Variants in TP53BP2 observed in about 807,000 individuals in gnomAD.
TP53BP2 encodes the protein tumor protein p53 binding protein 2, also known as apoptosis-stimulating of p53 protein 2.
A neutral mutation model predicts 126.2 loss-of-function variants in TP53BP2; 62 were observed. The ratio of observed to expected loss-of-function variants is 0.49; its 90% CI spans 0.40 to 0.61. The LOEUF (loss-of-function observed/expected upper bound fraction) is 0.61. Ranked by LOEUF, TP53BP2 falls within the 20% of genes least tolerant of loss-of-function variation. The pLI is 0.00. For missense variants in TP53BP2, 1,215 were observed against 1,402.8 expected (o/e 0.87, Z 2.14); for synonymous variants, 485 against 502.9 (o/e 0.96, Z 0.48).
At chr1:223,803,177 G>C in intron 7 of TP53BP2, 94 bp downstream of exon 7, 1 of 1,418,624 alleles carries the variant, frequency 7.0e-7, no homozygotes, top group Non-Finnish European at 9.5e-7. Flanking sequence ...TTTAAGGAAA[G>C]GCAACTGAAA....
intron 13 of TP53BP2, among the ~76,000 whole-genome samples, chr1:223,794,651 G>A (rs905058205): frequency 2.0e-5 from 3 of 152,204 alleles, no homozygotes; most frequent in Non-Finnish European, 2.9e-5. Flanking sequence ...TGGCTGTAAC[G>A]TGGATTGGTT....
At chr1:223,832,858 G>C (rs1663788324) in intron 1 of TP53BP2, among the ~76,000 whole-genome samples, 1 of 152,182 alleles carries the variant, frequency 6.6e-6, no homozygotes, top group Non-Finnish European at 1.5e-5. Flanking sequence ...TCTGCAAGAA[G>C]TGTGCTGCTC....
rs569237357 is a variant in TP53BP2 at position 223,832,527 on chromosome 1, C to A, written c.28-11160G>T. Among the ~76,000 whole-genome samples the A allele has an allele frequency of 5.9e-5, 9 of 152,322 alleles. No homozygotes were observed. The South Asian group carries it at 1.9e-3, about 32-fold the overall frequency. On this transcript the variant is annotated intron_variant, in intron 1 of 17. Transcript: ENST00000343537. ...CTTGTAAGAGGAGAATGCCACTAGG[C>A]TTCCTATAACCCAGTCAAGCAAAAA...
At position 223,784,204 on chromosome 1, in the gene TP53BP2, T is replaced by C. The variant is rs776076686; in HGVS notation, c.3274A>G (p.Ile1092Val). ...LPMKEGDCMTIIHREDEDEIE... is the reference protein window; with the variant it reads ...LPMKEGDCMTVIHREDEDEIE... ...TCATCTTCGTCTTCCCTGTGGATGA[T>C]TGTCATGCAGTCTCCTTCTTTCATG... Residue 1092 changes from isoleucine (I) to valine (V), a missense_variant, in exon 17 of 18, where the codon ATC (isoleucine) becomes GTC (valine). Ile to Val is a conservative substitution (Grantham distance 29). Transcript: ENST00000343537. 2.5e-5 allele frequency: 40 copies of C among 1,614,064 alleles called. No homozygotes were observed. The highest frequency in any genetic ancestry group is 1.6e-4 in the Middle Eastern group (1 of 6,084).
intron 1 of TP53BP2, among the ~76,000 whole-genome samples, chr1:223,841,583 C>T (rs12039721): frequency 1.3e-5 from 2 of 152,112 alleles, no homozygotes; most frequent in Non-Finnish European, 2.9e-5. Flanking sequence ...CAAATCTGTG[C>T]AAATAAAACC....
At chr1:223,808,093 A>T (rs1340288476) in intron 4 of TP53BP2, among the ~76,000 whole-genome samples, 1 of 152,258 alleles carries the variant, frequency 6.6e-6, no homozygotes, top group African/African-American at 2.4e-5. Flanking sequence ...TCAATCAAAC[A>T]GAATAGAGAG....
Position 223,810,509 on chromosome 1 carries a change from A to G in TP53BP2, c.294T>C (p.Ser98=). The G allele has an allele frequency of 6.2e-7, 1 of 1,601,506 alleles. No homozygotes were observed. ...HERPPGRDIV[S]GPRSQDPSLK... ...AACTTGGATCCTGAGATCTTGGTCC[A>G]CTCACTAAGGACAAAATTCAAAAAC... Residue 98 remains serine, a synonymous_variant, in exon 4 of 18, where the codon AGT becomes AGC. Coordinates refer to ENST00000343537, the MANE Select transcript of TP53BP2 (RefSeq NM_001031685.3).
At position 223,796,676 on chromosome 1, in the gene TP53BP2, A is replaced by G; in HGVS notation, c.1949-86T>C. On this transcript the variant is annotated intron_variant, in intron 12 of 17. Coordinates refer to ENST00000343537, the MANE Select transcript of TP53BP2 (RefSeq NM_001031685.3). The surrounding 1 kb of genome is among the most constrained non-coding windows in gnomAD (Gnocchi z 4.2). Reference sequence around the variant, plus strand: ...AACAGAAACAGCTAACAATAACTAAAGCCTCTTTTAATTTCATAGTTGTTA... The same window carrying G: ...AACAGAAACAGCTAACAATAACTAAGGCCTCTTTTAATTTCATAGTTGTTA... The G allele has an allele frequency of 7.8e-7, 1 of 1,285,280 alleles. No individual in the cohort carries two copies. Among genetic ancestry groups the G allele is most frequent in the Non-Finnish European group, 1.1e-6 (1 of 944,804 alleles). The allele number at this position is 1,285,280 out of a possible 1,614,324, so 79.6% of individuals were successfully genotyped here. A position where few individuals can be genotyped will look rare whatever the true frequency, so the allele number is the denominator to read the frequency against.
At chr1:223,795,359 T>G (rs1662280416) in intron 13 of TP53BP2, among the ~76,000 whole-genome samples, 1 of 152,166 alleles carries the variant, frequency 6.6e-6, no homozygotes, top group Non-Finnish European at 1.5e-5. Context: ...ACCACTGTTG[T>G]AAGTTTGAGG....
intron 12 of TP53BP2, among the ~76,000 whole-genome samples, chr1:223,797,640 A>G (rs1662371715): frequency 6.6e-6 from 1 of 151,924 alleles, no homozygotes; most frequent in Admixed American, 6.6e-5. Flanking sequence ...CGAACTCCCA[A>G]CCTCAGGTGA....
intron 7 of TP53BP2, 101 bp downstream of exon 7, chr1:223,803,170 A>C: frequency 7.2e-7 from 1 of 1,388,754 alleles, no homozygotes; most frequent in South Asian, 1.4e-5. Flanking sequence ...CCTTCTCTTT[A>C]AGGAAAGGCA....
chr1:223,801,237 G>A (rs911718800), intron 9 of TP53BP2, among the ~76,000 whole-genome samples: 1 of 152,128 alleles, frequency 6.6e-6, no homozygotes, highest in Non-Finnish European at 1.5e-5. Flanking sequence ...GTATATTCAG[G>A]TTTTTTTCTA....
intron 1 of TP53BP2, among the ~76,000 whole-genome samples, chr1:223,829,974 G>A (rs893022779): frequency 2.6e-5 from 4 of 152,012 alleles, no homozygotes; most frequent in African/African-American, 9.7e-5. Flanking sequence ...GGAACACAAA[G>A]AGAAGACATT....
At chr1:223,837,324 GA>G (rs1452518397) in intron 1 of TP53BP2, among the ~76,000 whole-genome samples, 1 of 152,118 alleles carries the variant, frequency 6.6e-6, no homozygotes, top group Non-Finnish European at 1.5e-5. Context: ...CATGGTGACA[GA>G]AGGCTTTTTC....
chr1:223,818,502 C>CAA (rs60296469), intron 2 of TP53BP2, among the ~76,000 whole-genome samples: 4 of 88,170 alleles, frequency 4.5e-5, no homozygotes, highest in Non-Finnish European at 1.0e-4. Context: ...GACTCCATCT[C>CAA]AAAAAAAAAA....
Position 223,780,678 on chromosome 1 carries a change from A to G in TP53BP2, c.*175T>C. On this transcript the variant is annotated 3_prime_UTR_variant, in exon 18 of 18. Transcript: ENST00000343537. ...TAGATGCTTTATTTCATCACGCTAA[A>G]TGTCCTCTAATGGTGAATTCTTCAA... 1 of 653,318 alleles carries G rather than the reference A, an allele frequency of 1.5e-6. No individual in the cohort carries two copies. The highest frequency in any genetic ancestry group is 2.6e-6 in the Non-Finnish European group (1 of 384,680). The allele number at this position is 653,318 out of a possible 1,614,324, so 40.5% of individuals were successfully genotyped here. A position where few individuals can be genotyped will look rare whatever the true frequency, so the allele number is the denominator to read the frequency against.
chr1:223,845,564 T>C, intron 1 of TP53BP2, 90 bp downstream of exon 1: 2 of 1,352,710 alleles, frequency 1.5e-6, no homozygotes, highest in Non-Finnish European at 1.9e-6. Context: ...CCCAGGCTCC[T>C]TCCCCGACGC....
intron 4 of TP53BP2, among the ~76,000 whole-genome samples, chr1:223,810,063 TGA>T (rs1662859733): frequency 2.0e-5 from 3 of 152,296 alleles, no homozygotes; most frequent in Admixed American, 2.0e-4. Flanking sequence ...TGACCTCAGG[TGA>T]GTCACCCACC....
At chr1:223,784,339 G>C (rs1176891717) in intron 16 of TP53BP2, 25 bp from the exon 17 acceptor site, 1 of 1,609,540 alleles carries the variant, frequency 6.2e-7, no homozygotes, top group African/African-American at 1.3e-5. Flanking sequence ...GTAAGATAAA[G>C]CACAGAATAT....
Sources: allele counts gnomAD v4.1 joint callset (sites outside exome capture counted in the v4.1 genomes callset), GRCh38; gene constraint gnomAD v4.1.1; non-coding constraint Gnocchi (gnomAD v3.1); transcripts MANE v1.5; gene names NCBI Gene and HGNC (gene_info 2026-07-23, HGNC 2026-07-21).